The following ATL2 variants were observed in gnomAD, a reference collection of about 807,000 sequenced individuals.
ATL2 encodes the protein atlastin GTPase 2.
A neutral mutation model predicts 73.9 loss-of-function variants in ATL2; 31 were observed. The ratio of observed to expected loss-of-function variants is 0.42; its 90% CI spans 0.32 to 0.57. The LOEUF (loss-of-function observed/expected upper bound fraction) is 0.57. Ranked by LOEUF, ATL2 falls within the 20% of genes least tolerant of loss-of-function variation. The pLI is 0.14. For synonymous variants in ATL2, 291 were observed against 237.5 expected, an observed-to-expected ratio of 1.23 and a Z score of -2.07; for missense variants, 738 against 702.6, an observed-to-expected ratio of 1.05 and a Z score of -0.57.
At chr2:38,297,638 G>A (rs1666966296) in intron 12 of ATL2, among the ~76,000 whole-genome samples, 1 of 152,288 alleles carries the variant, frequency 6.6e-6, no homozygotes, top group African/African-American at 2.4e-5. Flanking sequence ...AGTTTCCTTG[G>A]TAAGAAATCC....
chr2:38,310,420 G>T lies in ATL2; in HGVS notation c.832C>A (p.Gln278Lys). 6.2e-7 allele frequency: 1 copy of T among 1,605,332 alleles called. No homozygotes were observed. The highest frequency in any genetic ancestry group is 8.5e-7 in the Non-Finnish European group (1 of 1,176,686). Residue 278 changes from glutamine (Q) to lysine (K), a missense_variant, in exon 8 of 13, where the codon CAG (glutamine) becomes AAG (lysine). Physicochemically the swap from Gln to Lys is moderately conservative, Grantham distance 53. Coordinates refer to ENST00000378954, the MANE Select transcript of ATL2 (RefSeq NM_001135673.4). ...TTGTGTATGTGCTTCCTTACATTCT[G>T]AAGCTCTTCATGTTGATTTTGTTTT... Reference protein sequence around the residue: ...QVKQNQHEELQNVRKHIHNCF... With the variant: ...QVKQNQHEELKNVRKHIHNCF...
intron 9 of ATL2, among the ~76,000 whole-genome samples, chr2:38,306,193 T>C (rs1667437791): frequency 6.6e-6 from 1 of 152,164 alleles, no homozygotes; most frequent in Non-Finnish European, 1.5e-5. Context: ...GATTGATCCA[T>C]GAATAAATCT....
chr2:38,358,917 G>A (rs1002967461), intron 1 of ATL2, among the ~76,000 whole-genome samples: 3 of 151,548 alleles, frequency 2.0e-5, no homozygotes, highest in African/African-American at 7.3e-5. Flanking sequence ...TTTTTTTGAA[G>A]GAAAAAAACA....
At position 38,297,863 on chromosome 2, in the gene ATL2, T is replaced by C. The variant is rs367720953; in HGVS notation, c.1632+281A>G. 8 of 251,308 alleles carry C rather than the reference T, an allele frequency of 3.2e-5. No individual in the cohort carries two copies. The East Asian group carries it at 5.8e-4, about 18-fold the overall frequency. The allele number at this position is 251,308 out of a possible 1,614,324, so 15.6% of individuals were successfully genotyped here. On this transcript the variant is annotated intron_variant, in intron 12 of 12. Coordinates refer to ENST00000378954, the MANE Select transcript of ATL2 (RefSeq NM_001135673.4). The stretch of plus-strand genomic sequence containing the variant: ...TATTTTCTTTCCTCAAAGAAAAAAA[T>C]CATTACAGACTCTGACCCTGCCCAC...
Position 38,295,770 on chromosome 2 carries a change from T to A in ATL2, c.*224A>T, listed in dbSNP as rs1666858334. ...GAGTTAAACATGGCACAAAGGTGCA[T>A]GATTAACCAATGCTCCTCAGTCCAT... On this transcript the variant is annotated 3_prime_UTR_variant, in exon 13 of 13. Coordinates refer to ENST00000378954, the MANE Select transcript of ATL2 (RefSeq NM_001135673.4). 2.5e-6 allele frequency: 1 copy of A among 401,008 alleles called. No individual in the cohort carries two copies. Among genetic ancestry groups the A allele is most frequent in the East Asian group, 4.0e-5 (1 of 24,936 alleles). The allele number at this position is 401,008 out of a possible 1,614,324, so 24.8% of individuals were successfully genotyped here.
At chr2:38,344,901 T>G (rs966611456) in intron 1 of ATL2, among the ~76,000 whole-genome samples, 2 of 152,156 alleles carry the variant, frequency 1.3e-5, no homozygotes, top group African/African-American at 4.8e-5. Flanking sequence ...TATAAACCCT[T>G]CCTTTGTTCA....
intron 1 of ATL2, among the ~76,000 whole-genome samples, chr2:38,356,497 A>G (rs950489628): frequency 6.6e-6 from 1 of 152,106 alleles, no homozygotes; most frequent in African/African-American, 2.4e-5. Flanking sequence ...CTGGCCCATT[A>G]TTACTTTACA....
intron 12 of ATL2, 192 bp downstream of exon 12, chr2:38,297,952 C>G: frequency 3.4e-6 from 2 of 596,192 alleles, no homozygotes; most frequent in Non-Finnish European, 5.7e-6. Flanking sequence ...TTTAGGCTAA[C>G]CAAAGTACAT....
At chr2:38,357,224 A>G (rs949690070) in intron 1 of ATL2, among the ~76,000 whole-genome samples, 4 of 152,060 alleles carry the variant, frequency 2.6e-5, no homozygotes, top group Non-Finnish European at 4.4e-5. Context: ...GCTACTTGAG[A>G]GGCTGAGGCA....
chr2:38,329,003 T>TA (rs574357346), intron 2 of ATL2, among the ~76,000 whole-genome samples: 4 of 149,962 alleles, frequency 2.7e-5, no homozygotes, highest in Non-Finnish European at 4.4e-5. Flanking sequence ...CCTTGAACAT[T>TA]AAAAAAATAA....
At chr2:38,310,704 C>G (rs529020962) in intron 7 of ATL2, among the ~76,000 whole-genome samples, 25 of 146,148 alleles carry the variant, frequency 1.7e-4, no homozygotes, top group Middle Eastern at 3.6e-3. Flanking sequence ...ATGGTGCAAT[C>G]TCGGCTCACC....
At chr2:38,305,635 C>T (rs1667411714) in intron 9 of ATL2, among the ~76,000 whole-genome samples, 1 of 151,900 alleles carries the variant, frequency 6.6e-6, no homozygotes, top group Admixed American at 6.6e-5. Flanking sequence ...ATTTTGGAAA[C>T]TATACAAACA....
intron 4 of ATL2, 106 bp downstream of exon 4, chr2:38,318,429 G>T: frequency 1.3e-6 from 1 of 786,034 alleles, no homozygotes; most frequent in Non-Finnish European, 1.9e-6. Context: ...TCACGCCACT[G>T]TACTCCAGCC....
chr2:38,296,888 G>C (rs1010831510), intron 12 of ATL2, among the ~76,000 whole-genome samples: 1 of 152,142 alleles, frequency 6.6e-6, no homozygotes. Flanking sequence ...CTGTTTAAGA[G>C]ATGAATATTT....
At chr2:38,305,582 A>G (rs7582557) in intron 9 of ATL2, among the ~76,000 whole-genome samples, 50,622 of 151,930 alleles carry the variant, frequency 0.33, 8,681 homozygotes, top group South Asian at 0.48. Context: ...AATTATATCA[A>G]GTATCTTCTC....
intron 1 of ATL2, among the ~76,000 whole-genome samples, chr2:38,344,339 G>A (rs1396893888): frequency 6.6e-6 from 1 of 152,188 alleles, no homozygotes; most frequent in Non-Finnish European, 1.5e-5. Flanking sequence ...TCATGTGGCT[G>A]GGTGCAGTGG....
Position 38,298,298 on chromosome 2 carries a change from C to T in ATL2, c.1478G>A (p.Gly493Asp). 1 of 1,614,100 alleles carries T rather than the reference C, an allele frequency of 6.2e-7. No homozygotes were observed. Among genetic ancestry groups the T allele is most frequent in the Middle Eastern group, 1.6e-4 (1 of 6,062 alleles). The change falls in exon 12 of 13, where the codon GGC (glycine) becomes GAC (aspartate). Residue 493 changes from glycine to aspartate, a missense_variant. Gly to Asp is a moderately conservative substitution (Grantham distance 94, BLOSUM62 -1). Coordinates refer to ENST00000378954, the MANE Select transcript of ATL2 (RefSeq NM_001135673.4). ...AGCTATAGAGTTTAGGCCAATGAAG[C>T]CAGTCAGTCCTGAGATTATATACAT... ...FAMYIISGLT[G>D]FIGLNSIAVL...
At chr2:38,346,823 C>T (rs1424295471) in intron 1 of ATL2, among the ~76,000 whole-genome samples, 1 of 152,198 alleles carries the variant, frequency 6.6e-6, no homozygotes, top group Non-Finnish European at 1.5e-5. Context: ...TTGGGAACCC[C>T]AGGTTTAAAC....
At chr2:38,311,981 A>G (rs944611057) in intron 7 of ATL2, among the ~76,000 whole-genome samples, 1 of 152,246 alleles carries the variant, frequency 6.6e-6, no homozygotes, top group African/African-American at 2.4e-5. Flanking sequence ...AAATAATCTA[A>G]GAATGTTGAA....
Sources: allele counts gnomAD v4.1 joint callset (sites outside exome capture counted in the v4.1 genomes callset), GRCh38; gene constraint gnomAD v4.1.1; transcripts MANE v1.5; gene names NCBI Gene and HGNC (gene_info 2026-07-23, HGNC 2026-07-21).